The following MYO7A variants were observed in gnomAD, a reference collection of about 807,000 sequenced individuals.
MYO7A encodes unconventional myosin-VIIa.
In MYO7A, 210 loss-of-function variants were observed where a neutral mutation model predicts 263.8. The ratio of observed to expected loss-of-function variants is 0.80; its 90% CI spans 0.71 to 0.89. The LOEUF is 0.89. MYO7A is among the 40% of genes least tolerant of loss of function. The pLI is 0.00. For missense variants in MYO7A, 2,820 were observed against 2,968.3 expected (o/e 0.95, Z 1.16); for synonymous variants, 1,239 against 1,197.3 (o/e 1.03, Z -0.72).
intron 14 of MYO7A, among the ~76,000 whole-genome samples, chr11:77,164,414 A>AT (rs1221048564): frequency 5.3e-5 from 8 of 152,000 alleles, no homozygotes; most frequent in Non-Finnish European, 7.4e-5. Flanking sequence ...TTAAAAATTA[A>AT]TTTTTTTTTA....
At chr11:77,187,441 C>T (rs113405874) in intron 27 of MYO7A, among the ~76,000 whole-genome samples, 106 of 152,328 alleles carry the variant, frequency 7.0e-4, no homozygotes, top group Non-Finnish European at 1.1e-3. Flanking sequence ...AGACCTGGAG[C>T]ATAGTAAGCG....
chr11:77,163,017 T>C, intron 14 of MYO7A, 29 bp downstream of exon 14: 1 of 1,610,710 alleles, frequency 6.2e-7, no homozygotes, highest in African/African-American at 1.3e-5. Context: ...TGTCTGTCAC[T>C]CCCTGCCCGT....
At chr11:77,198,677 G>A (rs1387367298) in intron 34 of MYO7A, 56 bp downstream of exon 34, 1 of 1,606,552 alleles carries the variant, frequency 6.2e-7, no homozygotes, top group Non-Finnish European at 8.5e-7. Context: ...AGGGGCTGGA[G>A]CTTCCCTGCG....
At chr11:77,139,888 A>T (rs1225288804) in intron 2 of MYO7A, among the ~76,000 whole-genome samples, 1 of 152,108 alleles carries the variant, frequency 6.6e-6, no homozygotes, top group East Asian at 1.9e-4. Context: ...TGCTTCAAGA[A>T]CTTTCCCTAG....
rs1404856501 is a variant in MYO7A at position 77,184,568 on chromosome 11, G to A, written c.3376-20G>A. ...GAACACCCCTAACTTTACCTGCCCT[G>A]TCCTCTCCCTCTGGCCCAGGTGACC... On this transcript the variant is annotated intron_variant, in intron 26 of 48. Coordinates refer to ENST00000409709, the MANE Select transcript of MYO7A (RefSeq NM_000260.4). 1.3e-6 allele frequency: 2 copies of A among 1,554,068 alleles called. No individual in the cohort carries two copies. The highest frequency in any genetic ancestry group is 1.4e-5 in the African/African-American group (1 of 73,384).
Position 77,162,159 on chromosome 11 carries a change from G to A in MYO7A, c.1383G>A (p.Leu461=). The A allele has an allele frequency of 6.2e-7, 1 of 1,604,322 alleles. No individual in the cohort carries two copies. Among genetic ancestry groups the A allele is most frequent in the South Asian group, 1.1e-5 (1 of 88,450 alleles). The stretch of plus-strand genomic sequence containing the variant: ...GCATCAACTTCGCCAATGAGCACCT[G>A]CAGCAGTTCTTTGTGCGGCACGTGT... ...QLCINFANEH[L]QQFFVRHVFK... Residue 461 remains leucine (L), a synonymous_variant, in exon 13 of 49, where the codon CTG becomes CTA. Coordinates refer to ENST00000409709, the MANE Select transcript of MYO7A (RefSeq NM_000260.4).
chr11:77,203,351 T>C, intron 38 of MYO7A, 134 bp downstream of exon 38: 1 of 1,019,856 alleles, frequency 9.8e-7, no homozygotes. Context: ...CCCCCTCCCT[T>C]GCACCTTTTG....
chr11:77,174,908 C>T lies in MYO7A; in HGVS notation c.2088C>T (p.Tyr696=), dbSNP rs781964494. The change falls in exon 17 of 49, where the codon TAC becomes TAT. Residue 696 remains tyrosine, a synonymous_variant. Coordinates refer to ENST00000409709, the MANE Select transcript of MYO7A (RefSeq NM_000260.4). ...TGCTGCCAGGTGTGAAGCCGGCCTA[C>T]AAGCAGGTACAGGGCTGAGTGCACA... The part of the protein sequence containing the change: ...RVLLPGVKPA[Y]KQGDLRGTCQ... 1.6e-5 allele frequency: 26 copies of T among 1,613,478 alleles called. No homozygotes were observed. The African/African-American group carries it at 3.2e-4, about 20-fold the overall frequency.
At chr11:77,204,255 A>AG (rs1957286387) in intron 39 of MYO7A, 26 bp downstream of exon 39, 2 of 1,556,990 alleles carry the variant, frequency 1.3e-6, no homozygotes, top group Non-Finnish European at 8.7e-7. Context: ...TGGGCGGATG[A>AG]GGGGCAGACC....
At chr11:77,197,941 TG>T (rs11328077) in intron 33 of MYO7A, among the ~76,000 whole-genome samples, 79,395 of 152,092 alleles carry the variant, frequency 0.52, 20,997 homozygotes, top group Admixed American at 0.59. Context: ...CTGTGCTCAG[TG>T]GTGCACGGGA....
chr11:77,180,380 T>C lies in MYO7A; in HGVS notation c.2593T>C (p.Trp865Arg). The change falls in exon 22 of 49, where the codon TGG becomes CGG. Residue 865 changes from tryptophan to arginine, a missense_variant. Coordinates refer to ENST00000409709, the MANE Select transcript of MYO7A (RefSeq NM_000260.4). ...GGATGCCCCCTTCCCTCAGTATCTGTGGCGCCTCGAGGCTGAGAAAATGCG... is the reference window on the plus strand; with the variant it reads ...GGATGCCCCCTTCCCTCAGTATCTGCGGCGCCTCGAGGCTGAGAAAATGCG... ...LHQRLRAEYL[W>R]RLEAEKMRLA... 2 of 1,612,254 alleles carry C rather than the reference T, an allele frequency of 1.2e-6. No individual in the cohort carries two copies. The highest frequency in any genetic ancestry group is 1.7e-6 in the Non-Finnish European group (2 of 1,179,642).
In MYO7A at chr11:77,192,200, C is replaced by A. The variant is rs78996818; in HGVS notation, c.4074C>A (p.Ser1358=). ...KEVFTPWHSP[S]EDNVATNLIY... ...TCTTCACGCCCTGGCACAGCCCCTC[C>A]GAGGACAACGTGGCCACCAACCTCA... Residue 1358 remains serine, a synonymous_variant, in exon 31 of 49, where the codon TCC becomes TCA. Transcript: ENST00000409709. 3.7e-6 allele frequency: 6 copies of A among 1,614,052 alleles called. No homozygotes were observed. Among genetic ancestry groups the A allele is most frequent in the Non-Finnish European group, 5.1e-6 (6 of 1,179,906 alleles).
At chr11:77,160,846 G>T in intron 11 of MYO7A, 127 bp from the exon 12 acceptor site, 2 of 1,065,772 alleles carry the variant, frequency 1.9e-6, no homozygotes, top group Non-Finnish European at 2.8e-6. Flanking sequence ...CAAGTAAAGG[G>T]TTGGGGGTTT....
chr11:77,130,322 A>T (rs996333767), intron 1 of MYO7A, among the ~76,000 whole-genome samples: 1 of 152,216 alleles, frequency 6.6e-6, no homozygotes, highest in Non-Finnish European at 1.5e-5. Flanking sequence ...GTGGGGCCAG[A>T]CTTGCTACTT....
rs1373846137 is a variant in MYO7A at position 77,182,087 on chromosome 11, C to T, written c.3041C>T (p.Thr1014Met). The T allele has an allele frequency of 1.1e-5, 18 of 1,613,280 alleles. No homozygotes were observed. The highest frequency in any genetic ancestry group is 2.7e-5 in the African/African-American group (2 of 74,910). The change falls in exon 24 of 49, where the codon ACG becomes ATG. Residue 1014 changes from threonine to methionine, a missense_variant. Transcript: ENST00000409709. ...GCCACCTACTTCCAGGGGACAACCA[C>T]GCACTCCTACACCCGGCGGCCACTC... ...FAATYFQGTTTHSYTRRPLKQ... is the reference protein window; with the variant it reads ...FAATYFQGTTMHSYTRRPLKQ...
chr11:77,208,674 T>TGACC, intron 43 of MYO7A, 23 bp from the exon 44 acceptor site: 7 of 1,548,774 alleles, frequency 4.5e-6, no homozygotes, highest in Non-Finnish European at 6.1e-6. Flanking sequence ...ACCCTCTGGG[T>TGACC]GACCGACTGC....
intron 8 of MYO7A, 63 bp from the exon 9 acceptor site, chr11:77,158,214 C>A: frequency 2.0e-6 from 3 of 1,479,626 alleles, no homozygotes; most frequent in Non-Finnish European, 2.7e-6. Context: ...GGCAGCCAGG[C>A]ACTGCCCCTC....
intron 4 of MYO7A, among the ~76,000 whole-genome samples, chr11:77,151,314 C>A (rs572956919): frequency 6.6e-6 from 1 of 152,342 alleles, no homozygotes; most frequent in East Asian, 1.9e-4. Context: ...TGGCGTGTGC[C>A]CTTGGGGACA....
At chr11:77,207,450 T>C (rs779077218) in intron 42 of MYO7A, 48 bp downstream of exon 42, 3 of 1,364,280 alleles carry the variant, frequency 2.2e-6, no homozygotes, top group Non-Finnish European at 3.1e-6. Context: ...GCTGGGGCCA[T>C]AGGAACTTAC....
Sources: allele counts gnomAD v4.1 joint callset (sites outside exome capture counted in the v4.1 genomes callset), GRCh38; gene constraint gnomAD v4.1.1; transcripts MANE v1.5; gene names NCBI Gene and HGNC (gene_info 2026-07-23, HGNC 2026-07-21).